Variants in GABRG3 observed in about 807,000 individuals in gnomAD.
GABRG3 encodes gamma-aminobutyric acid receptor subunit gamma-3.
A neutral mutation model predicts 48.8 loss-of-function variants in GABRG3; 25 were observed. The ratio of observed to expected loss-of-function variants is 0.51; its 90% CI spans 0.37 to 0.72. GABRG3 has a LOEUF of 0.72. Ranked by LOEUF, GABRG3 falls within the 30% of genes least tolerant of loss-of-function variation. The pLI is 0.00. For missense variants in GABRG3, 394 were observed against 577.9 expected (o/e 0.68, Z 3.26); for synonymous variants, 227 against 217.6 (o/e 1.04, Z -0.38).
intron 3 of GABRG3, among the ~76,000 whole-genome samples, chr15:27,308,375 ATTTG>A (rs1485874681): frequency 2.3e-4 from 33 of 145,524 alleles, no homozygotes; most frequent in African/African-American, 7.0e-4. Flanking sequence ...ACATATAAAC[ATTTG>A]TTTATATATA....
chr15:27,158,233 A>G (rs931753969), intron 3 of GABRG3: 4 of 152,218 alleles, frequency 2.6e-5, no homozygotes, highest in Admixed American at 2.0e-4. Flanking sequence ...AAATTACACC[A>G]GGACAGAGAA....
intron 3 of GABRG3, among the ~76,000 whole-genome samples, chr15:27,307,831 C>CATATATAAAATAAACGTTTATATATAAAT (rs1892707474): frequency 9.3e-6 from 1 of 107,662 alleles, no homozygotes; most frequent in Non-Finnish European, 1.8e-5. Flanking sequence ...TAAACATAAA[C>CATATATAAAATAAACGTTTATATATAAAT]ATATATAAAA....
At chr15:27,204,555 T>G (rs1888793653) in intron 3 of GABRG3, among the ~76,000 whole-genome samples, 1 of 151,998 alleles carries the variant, frequency 6.6e-6, no homozygotes, top group East Asian at 1.9e-4. Flanking sequence ...TTAGAATAGT[T>G]TTTTCTAATT....
chr15:27,203,137 T>C (rs1368574111), intron 3 of GABRG3, among the ~76,000 whole-genome samples: 1 of 152,156 alleles, frequency 6.6e-6, no homozygotes, highest in African/African-American at 2.4e-5. Context: ...GTACAAATAA[T>C]TTTGTCATCC....
chr15:27,015,179 T>A (rs1320903437), intron 2 of GABRG3, among the ~76,000 whole-genome samples: 2 of 152,312 alleles, frequency 1.3e-5, no homozygotes, highest in South Asian at 4.1e-4. Context: ...AGTGAGTCTC[T>A]TATAGACAGC....
intron 3 of GABRG3, among the ~76,000 whole-genome samples, chr15:27,321,282 G>A (rs1043196723): frequency 8.5e-5 from 13 of 152,276 alleles, no homozygotes; most frequent in Admixed American, 2.6e-4. Context: ...ACAGTGCCCC[G>A]CAAAGGACTC....
intron 5 of GABRG3, among the ~76,000 whole-genome samples, chr15:27,456,099 G>C (rs1164732409): frequency 6.6e-6 from 1 of 152,096 alleles, no homozygotes; most frequent in African/African-American, 2.4e-5. Context: ...CACTGCTTCT[G>C]GTCCTGCAGG....
intron 5 of GABRG3, among the ~76,000 whole-genome samples, chr15:27,415,480 T>C (rs1235302853): frequency 1.3e-5 from 2 of 152,126 alleles, no homozygotes; most frequent in African/African-American, 4.8e-5. Context: ...TATTCATCAT[T>C]GTAGTTTTAC....
intron 6 of GABRG3, among the ~76,000 whole-genome samples, chr15:27,485,000 G>A (rs1890186598): frequency 6.6e-6 from 1 of 152,212 alleles, no homozygotes. Context: ...CCTCAAGGAG[G>A]TAGGGCATAG....
At chr15:27,003,290 T>G (rs956849935) in intron 2 of GABRG3, among the ~76,000 whole-genome samples, 283 of 151,194 alleles carry the variant, frequency 1.9e-3, no homozygotes, top group Non-Finnish European at 3.3e-3. Context: ...GGCAGGGTCA[T>G]AGGACAATAG....
chr15:27,410,764 A>G (rs941181470), intron 5 of GABRG3, among the ~76,000 whole-genome samples: 1 of 151,690 alleles, frequency 6.6e-6, no homozygotes, highest in Non-Finnish European at 1.5e-5. Context: ...TGACTGTGGA[A>G]TTCTTGGTTA....
At chr15:27,340,927 TG>T in intron 5 of GABRG3, 1 of 482,678 alleles carries the variant, frequency 2.1e-6, no homozygotes, top group East Asian at 5.6e-5. Flanking sequence ...TTTTGAAAGC[TG>T]TTTTTTAAGA....
intron 2 of GABRG3, among the ~76,000 whole-genome samples, chr15:26,986,325 C>G (rs1895150448): frequency 6.6e-6 from 1 of 152,202 alleles, no homozygotes. Flanking sequence ...GATTCTCTCA[C>G]AAAGTTAATT....
chr15:27,316,977 A>G (rs1473144286), intron 3 of GABRG3, among the ~76,000 whole-genome samples: 1 of 152,226 alleles, frequency 6.6e-6, no homozygotes, highest in Non-Finnish European at 1.5e-5. Context: ...GTTTATACAG[A>G]AAAACCTTCT....
intron 3 of GABRG3, among the ~76,000 whole-genome samples, chr15:27,279,166 A>T (rs924417856): frequency 1.3e-5 from 2 of 152,154 alleles, no homozygotes; most frequent in African/African-American, 4.8e-5. Flanking sequence ...TTCCTTATAT[A>T]TTCTAGATAT....
intron 9 of GABRG3, among the ~76,000 whole-genome samples, chr15:27,531,139 C>T (rs1891413574): frequency 6.6e-6 from 1 of 152,122 alleles, no homozygotes; most frequent in Admixed American, 6.5e-5. Context: ...GGCAGCCGCA[C>T]CGTGAGGCCC....
chr15:27,328,116 CA>C (rs555795538), intron 4 of GABRG3, among the ~76,000 whole-genome samples: 13,593 of 119,794 alleles, frequency 0.11, 1,429 homozygotes, highest in African/African-American at 0.29. Flanking sequence ...AACAAACAAA[CA>C]AAAAAAAAAA....
At chr15:27,265,382 A>G (rs1890886124) in intron 3 of GABRG3, among the ~76,000 whole-genome samples, 1 of 152,220 alleles carries the variant, frequency 6.6e-6, no homozygotes, top group Non-Finnish European at 1.5e-5. Flanking sequence ...GCCGTACAAA[A>G]AACACCCGTC....
At chr15:26,997,839 A>G (rs1429561170) in intron 2 of GABRG3, among the ~76,000 whole-genome samples, 1 of 152,224 alleles carries the variant, frequency 6.6e-6, no homozygotes, top group African/African-American at 2.4e-5. Context: ...AATTCCTGAT[A>G]TATTACAGCC....
Sources: allele counts gnomAD v4.1 joint callset (sites outside exome capture counted in the v4.1 genomes callset), GRCh38; gene constraint gnomAD v4.1.1; transcripts MANE v1.5; gene names NCBI Gene and HGNC (gene_info 2026-07-23, HGNC 2026-07-21).